QRICH2: variants seen among roughly 807,000 people sequenced by gnomAD.
The protein encoded by QRICH2 is glutamine-rich protein 2.
QRICH2 carries 119 observed loss-of-function variants against 168.3 expected under a neutral mutation model. The observed-to-expected ratio is 0.71, with a 90% CI of 0.61 to 0.82. QRICH2 has a LOEUF of 0.82. Among genes scored for constraint, QRICH2 ranks in the 40% least tolerant of loss-of-function variants. The pLI, the probability that QRICH2 is intolerant of heterozygous loss-of-function variation, is 0.00. For missense variants in QRICH2, 2,241 were observed against 2,491.6 expected, an observed-to-expected ratio of 0.90 and a Z score of 2.14; for synonymous variants, 894 against 951.2, an observed-to-expected ratio of 0.94 and a Z score of 1.11.
At position 76,278,092 on chromosome 17, in the gene QRICH2, T is replaced by A; in HGVS notation, c.5014A>T (p.Ile1672Phe). Reference protein sequence around the residue: ...RSMHSKMLMNIEKVQIHFGGS... With the variant: ...RSMHSKMLMNFEKVQIHFGGS... ...CCGAAGTGGATCTGCACCTTCTCAA[T>A]GTTCATCAGCATCTTGGAGTGCATG... The change falls in exon 15 of 19, where the codon ATT becomes TTT. Residue 1672 changes from isoleucine (I) to phenylalanine (F), a missense_variant. Ile to Phe is a conservative substitution (Grantham distance 21). Coordinates refer to ENST00000680821, the MANE Select transcript of QRICH2 (RefSeq NM_001388453.1). 1 of 1,613,928 alleles carries A rather than the reference T, an allele frequency of 6.2e-7. No individual in the cohort carries two copies. Among genetic ancestry groups the A allele is most frequent in the Non-Finnish European group, 8.5e-7 (1 of 1,180,046 alleles).
rs752510976 is a variant in QRICH2 at position 76,278,135 on chromosome 17, G to A, written c.4971C>T (p.Ser1657=). ...PRGDLAQMEQ[S]VGRLRSMHSK... ...AGTGCATGGAGCGCAGGCGCCCCACGCTCTGCTCCATCTGCGCCAGGTCAC... is the reference window on the plus strand; with the variant it reads ...AGTGCATGGAGCGCAGGCGCCCCACACTCTGCTCCATCTGCGCCAGGTCAC... The change falls in exon 15 of 19, where the codon AGC becomes AGT. Residue 1657 remains serine, a synonymous_variant. Transcript: ENST00000680821. The A allele has an allele frequency of 6.3e-5, 101 of 1,612,450 alleles. No homozygotes were observed. The highest frequency in any genetic ancestry group is 7.7e-5 in the Non-Finnish European group (91 of 1,180,042).
intron 3 of QRICH2, among the ~76,000 whole-genome samples, chr17:76,296,760 AGAGCATGGC>A (rs2070799860): frequency 6.9e-6 from 1 of 145,776 alleles, no homozygotes; most frequent in African/African-American, 2.6e-5. Flanking sequence ...CCTGGGCAAC[AGAGCATGGC>A]TCTGTCTCAA....
In QRICH2 at chr17:76,293,539, G is replaced by T. The variant is rs903096403; in HGVS notation, c.1188C>A (p.Gly396=). The change falls in exon 4 of 19, where the codon GGC becomes GGA. Residue 396 remains glycine (G), a synonymous_variant. Transcript: ENST00000680821. The part of the protein sequence containing the change: ...RPDRRGLEPT[G]MNQPGLVPAS... ...CAGGCACTAATCCAGGCTGATTCAT[G>T]CCAGTTGGTTCTAACCCACGACGAT... is the stretch of plus-strand genomic sequence containing the variant. 6.2e-7 allele frequency: 1 copy of T among 1,614,106 alleles called. No homozygotes were observed. The highest frequency in any genetic ancestry group is 1.3e-5 in the African/African-American group (1 of 74,942).
chr17:76,285,188 A>C (rs947272756), intron 7 of QRICH2, among the ~76,000 whole-genome samples: 1 of 149,838 alleles, frequency 6.7e-6, no homozygotes, highest in Non-Finnish European at 1.5e-5. Flanking sequence ...CCTGGAGTGC[A>C]TGGTGCGATC....
chr17:76,297,870 GTTTTTTT>G (rs1169251679), intron 3 of QRICH2, among the ~76,000 whole-genome samples: 2,923 of 79,404 alleles, frequency 0.037, 56 homozygotes, highest in East Asian at 0.068. Context: ...TTAGGAATCT[GTTTTTTT>G]TTTTTTTTTT....
rs947776799 is a variant in QRICH2, at chr17:76,307,774, C to T, written c.225G>A (p.Ala75=). The stretch of plus-strand genomic sequence containing the variant: ...GCGCCCCCTTGGGCACCTCCTTGGG[C>T]GCGGGCAGGTGCGGGATGCTGAACG... The part of the protein sequence containing the change: ...RSSFSIPHLP[A]PKEVPKGAPR... Residue 75 remains alanine (A), a synonymous_variant, in exon 1 of 19, where the codon GCG becomes GCA. Transcript: ENST00000680821. The surrounding 1 kb of genome is among the most constrained non-coding windows in gnomAD (Gnocchi z 5.3). 18 of 1,383,682 alleles carry T rather than the reference C, an allele frequency of 1.3e-5. No homozygotes were observed. Among genetic ancestry groups the T allele is most frequent in the Non-Finnish European group, 1.7e-5 (18 of 1,073,150 alleles). The allele number at this position is 1,383,682 out of a possible 1,614,324, so 85.7% of individuals were successfully genotyped here.
At chr17:76,287,968 A>G in intron 5 of QRICH2, 71 bp from the exon 6 acceptor site, 3 of 1,196,062 alleles carry the variant, frequency 2.5e-6, no homozygotes, top group Non-Finnish European at 3.7e-6. Flanking sequence ...CCTTGCATGC[A>G]GCTCATGCCA....
At chr17:76,288,448 T>A (rs1204879777) in intron 5 of QRICH2, among the ~76,000 whole-genome samples, 3 of 138,388 alleles carry the variant, frequency 2.2e-5, no homozygotes, top group Non-Finnish European at 4.6e-5. Flanking sequence ...ATCACACCTG[T>A]AATCCCAGCA....
upstream of QRICH2, chr17:76,309,570 C>A (rs2071046879): frequency 6.6e-6 from 1 of 152,170 alleles, no homozygotes; most frequent in Non-Finnish European, 1.5e-5. Flanking sequence ...TGAATGTGTG[C>A]CATGCATGGC....
chr17:76,297,038 C>T (rs2070808619), intron 3 of QRICH2, among the ~76,000 whole-genome samples: 1 of 152,180 alleles, frequency 6.6e-6, no homozygotes, highest in Non-Finnish European at 1.5e-5. Context: ...TAGCACAGAG[C>T]AGAGTGTACT....
chr17:76,296,191 C>G (rs1263707165), intron 3 of QRICH2, among the ~76,000 whole-genome samples: 1 of 152,084 alleles, frequency 6.6e-6, no homozygotes, highest in Non-Finnish European at 1.5e-5. Context: ...CCATTGCACT[C>G]CAGCCTGGGA....
chr17:76,277,774 A>G (rs1198941037), intron 15 of QRICH2, among the ~76,000 whole-genome samples: 1 of 151,656 alleles, frequency 6.6e-6, no homozygotes, highest in Non-Finnish European at 1.5e-5. Context: ...ATACACACAC[A>G]CCCTTACACA....
At position 76,292,493 on chromosome 17, in the gene QRICH2, G is replaced by T. The variant is rs750233581; in HGVS notation, c.2234C>A (p.Ala745Glu). The T allele has an allele frequency of 1.3e-6, 2 of 1,553,138 alleles. No individual in the cohort carries two copies. Among genetic ancestry groups the T allele is most frequent in the Admixed American group, 3.5e-5 (2 of 56,448 alleles). ...VDQRGLAQPR[A>E]DHQRGLVPPG... Reference sequence around the variant, plus strand: ...TGGGACCAAACCACGCTGATGATCTGCACGAGGTTGTGCCAAACCACGCTG... The same window carrying T: ...TGGGACCAAACCACGCTGATGATCTTCACGAGGTTGTGCCAAACCACGCTG... Residue 745 changes from alanine to glutamate, a missense_variant, in exon 4 of 19, where the codon GCA becomes GAA. Around this residue, in one of 3 missense-constraint regions of QRICH2, gnomAD observed 2,047 missense variants for 2,303.8 expected, o/e 0.89. Transcript: ENST00000680821.
chr17:76,307,464 C>T lies in QRICH2; in HGVS notation c.534+1G>A. On this transcript the variant is annotated splice_donor_variant, in intron 1 of 18. Coordinates refer to ENST00000680821, the MANE Select transcript of QRICH2 (RefSeq NM_001388453.1). LOFTEE classifies it high-confidence loss of function. The surrounding 1 kb of genome is among the most constrained non-coding windows in gnomAD (Gnocchi z 5.3). The stretch of plus-strand genomic sequence containing the variant: ...GCGCGTGCCTCCGTGTGCGTGCTCA[C>T]CCTGGCAAAGCTGAGCTCCTCGGCG... 3 of 1,613,708 alleles carry T rather than the reference C, an allele frequency of 1.9e-6. No homozygotes were observed. Among genetic ancestry groups the T allele is most frequent in the East Asian group, 2.2e-5 (1 of 44,852 alleles).
intron 4 of QRICH2, among the ~76,000 whole-genome samples, chr17:76,290,359 T>G (rs976931042): frequency 4.6e-5 from 7 of 152,100 alleles, no homozygotes; most frequent in African/African-American, 1.7e-4. Context: ...CTCTCTGGGC[T>G]TGGAGTTGGG....
Position 76,293,745 on chromosome 17 carries a change from G to A in QRICH2, c.982C>T (p.His328Tyr), listed in dbSNP as rs1307474031. 1.2e-6 allele frequency: 2 copies of A among 1,613,954 alleles called. No individual in the cohort carries two copies. The highest frequency in any genetic ancestry group is 1.3e-5 in the African/African-American group (1 of 74,920). Residue 328 changes from histidine to tyrosine, a missense_variant, in exon 4 of 19, where the codon CAT (histidine) becomes TAT (tyrosine). Physicochemically the swap from His to Tyr is moderately conservative, Grantham distance 83. This residue lies in a region of QRICH2 where 2,047 missense variants were observed against 2,303.8 expected (regional missense o/e 0.89). Transcript: ENST00000680821. ...TTGAATTGGAATGTAGAAGACTGAT[G>A]GAGTCGTGGCACGCCAGCTTCATCA... Reference protein sequence around the residue: ...ARDEAGVPRLHQSSTFQFKSD... With the variant: ...ARDEAGVPRLYQSSTFQFKSD...
chr17:76,292,553 G>A lies in QRICH2; in HGVS notation c.2174C>T (p.Ala725Val), dbSNP rs1376710691. 1 of 1,613,472 alleles carries A rather than the reference G, an allele frequency of 6.2e-7. No individual in the cohort carries two copies. Among genetic ancestry groups the A allele is most frequent in the Non-Finnish European group, 8.5e-7 (1 of 1,179,828 alleles). The change falls in exon 4 of 19, where the codon GCA becomes GTA. Residue 725 changes from alanine to valine, a missense_variant. Around this residue, in one of 3 missense-constraint regions of QRICH2, gnomAD observed 2,047 missense variants for 2,303.8 expected, o/e 0.89. Transcript: ENST00000680821. Reference protein sequence around the residue: ...ADQSDLAQPGAVQHGLVQPGV... With the variant: ...ADQSDLAQPGVVQHGLVQPGV... Reference sequence around the variant, plus strand: ...AGGTTGGACCAAACCATGCTGAACTGCACCAGGTTGAGCCAAATCACTCTG... The same window carrying A: ...AGGTTGGACCAAACCATGCTGAACTACACCAGGTTGAGCCAAATCACTCTG...
chr17:76,289,861 A>G (rs2070955500), intron 5 of QRICH2, 131 bp downstream of exon 5: 7 of 568,164 alleles, frequency 1.2e-5, no homozygotes, highest in Middle Eastern at 3.2e-4. Flanking sequence ...CTGAGGCATG[A>G]GAATCGCTTG....
intron 3 of QRICH2, among the ~76,000 whole-genome samples, chr17:76,300,150 ATGCCACTATCGTAC>A (rs2070875340): frequency 6.6e-6 from 1 of 152,086 alleles, no homozygotes; most frequent in South Asian, 2.1e-4. Flanking sequence ...TTTTTTGCAC[ATGCCACTATCGTAC>A]TGTTTTTACC....
Sources: allele counts gnomAD v4.1 joint callset (sites outside exome capture counted in the v4.1 genomes callset), GRCh38; gene constraint gnomAD v4.1.1; regional missense constraint gnomAD v4.1.1; non-coding constraint Gnocchi (gnomAD v3.1); transcripts MANE v1.5; gene names NCBI Gene and HGNC (gene_info 2026-07-23, HGNC 2026-07-21).